Variants in CYSLTR2 observed in about 807,000 individuals in gnomAD.
The protein encoded by CYSLTR2 is cysteinyl leukotriene receptor 2, also known as G-protein coupled receptor GPCR21.
For synonymous variants in CYSLTR2, 179 were observed against 160.8 expected (o/e 1.11, Z -0.86); for missense variants, 398 against 411.9 (o/e 0.97, Z 0.29).
intron 1 of CYSLTR2, among the ~76,000 whole-genome samples, chr13:48,677,888 G>A (rs7338261): frequency 1 from 144,534 of 144,962 alleles, 72,054 homozygotes; most frequent in Middle Eastern, 1. Flanking sequence ...TTTTTTTTTG[G>A]GACAGAGTCT....
At position 48,697,345 on chromosome 13, in the gene CYSLTR2, G is replaced by A. The variant is rs568679412; in HGVS notation, c.-2+719G>A. Among the ~76,000 whole-genome samples, 520 of 152,252 alleles carry A rather than the reference G, an allele frequency of 3.4e-3. 2 individuals are homozygous for A. The highest frequency in any genetic ancestry group is 0.031 in the Middle Eastern group (9 of 294). On this transcript the variant is annotated intron_variant, in intron 4 of 4. Coordinates refer to ENST00000682523, the MANE Select transcript of CYSLTR2 (RefSeq NM_001308476.3). ...GAAGGATCAGGCAGCAACATTTGCC[G>A]TTCTTCTATATTTGCTGTTCTGCCG...
At position 48,708,470 on chromosome 13, in the gene CYSLTR2, T is replaced by C. The variant is rs1038840406; in HGVS notation, c.*612T>C. The C allele has an allele frequency of 8.4e-5, 14 of 167,142 alleles. No individual in the cohort carries two copies. Among genetic ancestry groups the C allele is most frequent in the Admixed American group, 7.9e-4 (12 of 15,272 alleles). 10.4% of individuals were successfully genotyped at this position (167,142 alleles called of 1,614,324 possible). A position where few individuals can be genotyped will look rare whatever the true frequency, so the allele number is the denominator to read the frequency against. The stretch of plus-strand genomic sequence containing the variant: ...TTTCATTTTGCATTGGGAGAGAGGT[T>C]CTAACACACTGAAGGCAACCCTATT... On this transcript the variant is annotated 3_prime_UTR_variant, in exon 5 of 5. Coordinates refer to ENST00000682523, the MANE Select transcript of CYSLTR2 (RefSeq NM_001308476.3).
chr13:48,661,360 G>GCTGCCCTGTTA (rs1368989859), intron 1 of CYSLTR2, among the ~76,000 whole-genome samples: 1 of 151,814 alleles, frequency 6.6e-6, no homozygotes, highest in East Asian at 1.9e-4. Flanking sequence ...TCCTGAGGTT[G>GCTGCCCTGTTA]CTGCTCTGTT....
At chr13:48,686,546 C>T (rs573647966) in intron 1 of CYSLTR2, among the ~76,000 whole-genome samples, 1 of 152,068 alleles carries the variant, frequency 6.6e-6, no homozygotes, top group Non-Finnish European at 1.5e-5. Context: ...ATTATCATAC[C>T]CAAGCAATGA....
intron 2 of CYSLTR2, among the ~76,000 whole-genome samples, chr13:48,692,583 C>G (rs1183793886): frequency 6.6e-6 from 1 of 151,180 alleles, no homozygotes; most frequent in African/African-American, 2.4e-5. Context: ...AAAATTTACC[C>G]TCTGAATAAA....
chr13:48,669,896 AGT>A (rs1244448467), intron 1 of CYSLTR2, among the ~76,000 whole-genome samples: 2 of 152,234 alleles, frequency 1.3e-5, no homozygotes, highest in Non-Finnish European at 2.9e-5. Flanking sequence ...TCCCACCAAC[AGT>A]GTAAAAGCAT....
At chr13:48,686,368 C>T (rs1953893854) in intron 1 of CYSLTR2, among the ~76,000 whole-genome samples, 1 of 152,108 alleles carries the variant, frequency 6.6e-6, no homozygotes, top group African/African-American at 2.4e-5. Context: ...TCTTGCACAC[C>T]ATTGGAAATT....
intron 3 of CYSLTR2, among the ~76,000 whole-genome samples, chr13:48,695,921 C>A (rs1436284590): frequency 2.0e-5 from 3 of 152,208 alleles, no homozygotes; most frequent in Non-Finnish European, 2.9e-5. Flanking sequence ...GGGATAAATG[C>A]CCAGGAGTAT....
In CYSLTR2 at chr13:48,707,543, C is replaced by T; in HGVS notation, c.726C>T (p.His242=). Residue 242 remains histidine (H), a synonymous_variant, in exon 5 of 5, where the codon CAC becomes CAT. Coordinates refer to ENST00000682523, the MANE Select transcript of CYSLTR2 (RefSeq NM_001308476.3). The stretch of plus-strand genomic sequence containing the variant: ...CAGAATCGGGGCTGCGGGTTTCTCA[C>T]AGGAAGGCACTGACCACCATCATCA... The part of the protein sequence containing the change: ...EVPESGLRVS[H]RKALTTIIIT... The T allele has an allele frequency of 6.2e-7, 1 of 1,608,494 alleles. No individual in the cohort carries two copies. Among genetic ancestry groups the T allele is most frequent in the Non-Finnish European group, 8.5e-7 (1 of 1,180,022 alleles).
intron 4 of CYSLTR2, among the ~76,000 whole-genome samples, chr13:48,702,416 A>T (rs1760447366): frequency 6.6e-6 from 1 of 152,156 alleles, no homozygotes; most frequent in Non-Finnish European, 1.5e-5. Flanking sequence ...AATAATAATA[A>T]TAATAAAAAC....
chr13:48,674,554 T>C (rs1953543188), intron 1 of CYSLTR2, among the ~76,000 whole-genome samples: 2 of 152,222 alleles, frequency 1.3e-5, no homozygotes, highest in African/African-American at 4.8e-5. Context: ...ATTTCTTGCA[T>C]TGGGCTAGAA....
chr13:48,696,394 C>T (rs1954187625), intron 3 of CYSLTR2, 132 bp from the exon 4 acceptor site: 1 of 152,118 alleles, frequency 6.6e-6, no homozygotes. Flanking sequence ...AAAAATTTAT[C>T]ATCTTGACAA....
intron 1 of CYSLTR2, among the ~76,000 whole-genome samples, chr13:48,681,296 T>C (rs974395727): frequency 2.6e-5 from 4 of 152,216 alleles, no homozygotes; most frequent in Non-Finnish European, 4.4e-5. Context: ...TTCTCTTTTG[T>C]TCCTGAGATG....
chr13:48,657,895 G>A (rs1195415000), intron 1 of CYSLTR2, among the ~76,000 whole-genome samples: 2 of 151,960 alleles, frequency 1.3e-5, no homozygotes, highest in East Asian at 3.8e-4. Flanking sequence ...CATAAATTGT[G>A]TAGTGGTCAA....
chr13:48,705,511 T>C (rs1954457347), intron 4 of CYSLTR2, among the ~76,000 whole-genome samples: 1 of 151,368 alleles, frequency 6.6e-6, no homozygotes, highest in Non-Finnish European at 1.5e-5. Flanking sequence ...TGAACACTTT[T>C]TAGAATTCCA....
chr13:48,695,844 T>C (rs1954172075), intron 3 of CYSLTR2, among the ~76,000 whole-genome samples: 1 of 152,256 alleles, frequency 6.6e-6, no homozygotes, highest in African/African-American at 2.4e-5. Flanking sequence ...TTTGGGGCTA[T>C]TACAAATAAA....
chr13:48,667,355 T>C (rs1416252279), intron 1 of CYSLTR2, among the ~76,000 whole-genome samples: 1 of 152,166 alleles, frequency 6.6e-6, no homozygotes, highest in Non-Finnish European at 1.5e-5. Flanking sequence ...GCTGGGAGTA[T>C]GTCAATGCGG....
intron 4 of CYSLTR2, among the ~76,000 whole-genome samples, chr13:48,699,004 G>T (rs562759851): frequency 6.6e-6 from 1 of 152,288 alleles, no homozygotes; most frequent in African/African-American, 2.4e-5. Flanking sequence ...CAATACAGGA[G>T]CACCCAGATT....
chr13:48,708,031 C>T lies in CYSLTR2; in HGVS notation c.*173C>T. ...TCAAAAATTTTATTCAGTGTATTTT[C>T]AGTTGTTGAGTCTTAATGAGGGATA... On this transcript the variant is annotated 3_prime_UTR_variant, in exon 5 of 5. Coordinates refer to ENST00000682523, the MANE Select transcript of CYSLTR2 (RefSeq NM_001308476.3). 1.8e-6 allele frequency: 1 copy of T among 547,574 alleles called. No individual in the cohort carries two copies. Among genetic ancestry groups the T allele is most frequent in the Non-Finnish European group, 3.1e-6 (1 of 325,392 alleles). 33.9% of individuals were successfully genotyped at this position (547,574 alleles called of 1,614,324 possible).
Sources: allele counts gnomAD v4.1 joint callset (sites outside exome capture counted in the v4.1 genomes callset), GRCh38; gene constraint gnomAD v4.1.1; transcripts MANE v1.5; gene names NCBI Gene and HGNC (gene_info 2026-07-23, HGNC 2026-07-21).